PTPRN2: variants seen among roughly 807,000 people sequenced by gnomAD.
PTPRN2 encodes receptor-type tyrosine-protein phosphatase N2.
A neutral mutation model predicts 118.8 loss-of-function variants in PTPRN2; 74 were observed. The observed-to-expected ratio is 0.62, with a 90% CI of 0.52 to 0.76. PTPRN2 has a LOEUF of 0.76. Among genes scored for constraint, PTPRN2 ranks in the 30% least tolerant of loss-of-function variants. PTPRN2 has a pLI of 0.00. For synonymous variants in PTPRN2, 641 were observed against 608.0 expected (o/e 1.05, Z -0.80); for missense variants, 1,481 against 1,394.4 (o/e 1.06, Z -0.99).
At chr7:158,374,858 G>C (rs901748614) in intron 2 of PTPRN2, among the ~76,000 whole-genome samples, 7 of 152,294 alleles carry the variant, frequency 4.6e-5, no homozygotes, top group African/African-American at 1.7e-4. Context: ...GCACAGGCAG[G>C]GGCTGCATGC....
intron 12 of PTPRN2, among the ~76,000 whole-genome samples, chr7:157,782,033 C>T (rs1002301719): frequency 1.3e-5 from 2 of 152,244 alleles, no homozygotes; most frequent in African/African-American, 4.8e-5. Context: ...TGCGGGCACA[C>T]AGGTATGGCC....
At chr7:157,902,307 G>A (rs775480047) in intron 11 of PTPRN2, among the ~76,000 whole-genome samples, 2 of 141,874 alleles carry the variant, frequency 1.4e-5, no homozygotes, top group Non-Finnish European at 3.1e-5. Flanking sequence ...GTGTGGTGCC[G>A]CCAACCCTGC....
intron 22 of PTPRN2, among the ~76,000 whole-genome samples, chr7:157,541,972 G>A (rs563940949): frequency 4.6e-5 from 7 of 152,192 alleles, no homozygotes; most frequent in South Asian, 2.1e-4. Flanking sequence ...CTTAGTGTAC[G>A]TGTTAGAACC....
intron 3 of PTPRN2, among the ~76,000 whole-genome samples, chr7:158,263,721 C>T (rs13229914): frequency 2.3e-4 from 35 of 152,282 alleles, no homozygotes; most frequent in South Asian, 6.2e-4. Context: ...AGCACCTCAA[C>T]GGCCCTTTTC....
intron 3 of PTPRN2, among the ~76,000 whole-genome samples, chr7:158,270,795 GGACCACCCC>G (rs1798311353): frequency 1.4e-5 from 1 of 71,444 alleles, no homozygotes; most frequent in Non-Finnish European, 2.6e-5. Context: ...CCCTCCACCT[GGACCACCCC>G]CTCACCTGGA....
intron 11 of PTPRN2, among the ~76,000 whole-genome samples, chr7:157,962,120 A>G (rs568562134): frequency 1.4e-4 from 22 of 152,376 alleles, no homozygotes; most frequent in Admixed American, 1.2e-3. Flanking sequence ...GTTTCAGTGA[A>G]GAAGAAAGTG....
intron 3 of PTPRN2, among the ~76,000 whole-genome samples, chr7:158,306,063 T>G (rs1801261961): frequency 6.6e-6 from 1 of 152,190 alleles, no homozygotes; most frequent in Non-Finnish European, 1.5e-5. Context: ...GAGGACCCAC[T>G]GGAAAGGCTG....
chr7:158,166,197 C>T (rs1209965487), intron 6 of PTPRN2, among the ~76,000 whole-genome samples: 1 of 152,040 alleles, frequency 6.6e-6, no homozygotes, highest in East Asian at 1.9e-4. Context: ...AAGGGATGAA[C>T]AAGAAGTGAG....
At position 157,813,445 on chromosome 7, in the gene PTPRN2, G is replaced by A. The variant is rs1436831052; in HGVS notation, c.1788+85228C>T. 1.3e-5 allele frequency among the ~76,000 whole-genome samples: 2 copies of A among 152,272 alleles called. No individual in the cohort carries two copies. Among genetic ancestry groups the A allele is most frequent in the East Asian group, 3.9e-4 (2 of 5,184 alleles). ...GCCATTCAGGTCCCCAAAACAGCAT[G>A]TGCAGCTCTCGTTAAATGGAAAAGG... On this transcript the variant is annotated intron_variant, in intron 12 of 22. Transcript: ENST00000389418. The surrounding 1 kb of genome is among the most constrained non-coding windows in gnomAD (Gnocchi z 4.7).
Position 157,813,838 on chromosome 7 carries a change from G to A in PTPRN2, c.1788+84835C>T, listed in dbSNP as rs1806210673. ...TGGAGCGCGGGTAAAACAGCTCGGG[G>A]CCAGCCAGAGCTTCTGAGCCAGGGC... On this transcript the variant is annotated intron_variant, in intron 12 of 22. Coordinates refer to ENST00000389418, the MANE Select transcript of PTPRN2 (RefSeq NM_002847.5). This position sits in a 1 kb window ranked among gnomAD's most constrained non-coding sequence, Gnocchi z 4.7. Among the ~76,000 whole-genome samples, 1 of 152,220 alleles carries A rather than the reference G, an allele frequency of 6.6e-6. No homozygotes were observed. The highest frequency in any genetic ancestry group is 2.4e-5 in the African/African-American group (1 of 41,442).
At chr7:157,800,032 C>T (rs1224372461) in intron 12 of PTPRN2, among the ~76,000 whole-genome samples, 1 of 150,934 alleles carries the variant, frequency 6.6e-6, no homozygotes, top group African/African-American at 2.4e-5. Context: ...CTCCTCTGTC[C>T]CTCAGAGGCA....
rs1330376506 is a variant in PTPRN2 at position 158,524,527 on chromosome 7, CTGCCCTGGAGTGGA to C, written c.113-34756_113-34743del. On this transcript the variant is annotated intron_variant, in intron 1 of 22. Transcript: ENST00000389418. The stretch of plus-strand genomic sequence containing the variant: ...GGAGTCGTCTGCCCTGGAGTGGAGT[CTGCCCTGGAGTGGA>C]GTCTGCCCTGGAGTGGAGGGAAGTG... Among the ~76,000 whole-genome samples, 234 of 149,220 alleles carry C rather than the reference CTGCCCTGGAGTGGA, an allele frequency of 1.6e-3. 1 individual carries two copies. The highest frequency in any genetic ancestry group is 2.8e-3 in the Non-Finnish European group (190 of 67,232).
rs1419046204 is a variant in PTPRN2, at chr7:157,627,924, C to T, written c.2197-6415G>A. On this transcript the variant is annotated intron_variant, in intron 14 of 22. Coordinates refer to ENST00000389418, the MANE Select transcript of PTPRN2 (RefSeq NM_002847.5). The surrounding 1 kb of genome is among the most constrained non-coding windows in gnomAD (Gnocchi z 4.2). ...CCCTTTGAGAATGACACCATCAGCG[C>T]TCACATAATCTACTTTGTTAGAGAT... 6.6e-6 allele frequency among the ~76,000 whole-genome samples: 1 copy of T among 152,250 alleles called. No homozygotes were observed. The highest frequency in any genetic ancestry group is 2.4e-5 in the African/African-American group (1 of 41,470).
intron 14 of PTPRN2, among the ~76,000 whole-genome samples, 172 bp from the exon 15 acceptor site, chr7:157,621,681 T>C (rs1204872934): frequency 6.6e-6 from 1 of 152,286 alleles, no homozygotes; most frequent in Non-Finnish European, 1.5e-5. Context: ...TATCATACCA[T>C]GCAACCGTTA....
chr7:157,871,255 T>C lies in PTPRN2; in HGVS notation c.1788+27418A>G, dbSNP rs182881237. ...CCAGGGAGCTTGTTAGAAACACAGA[T>C]CCTTGGGCCCTGCCTCGGACCCCCT... On this transcript the variant is annotated intron_variant, in intron 12 of 22. Coordinates refer to ENST00000389418, the MANE Select transcript of PTPRN2 (RefSeq NM_002847.5). 5.8e-4 allele frequency among the ~76,000 whole-genome samples: 88 copies of C among 152,256 alleles called. 1 individual carries two copies. The highest frequency in any genetic ancestry group is 3.4e-3 in the Middle Eastern group (1 of 294).
At chr7:157,565,850 G>A (rs1458160037) in intron 21 of PTPRN2, among the ~76,000 whole-genome samples, 2 of 152,112 alleles carry the variant, frequency 1.3e-5, no homozygotes, top group Non-Finnish European at 2.9e-5. Context: ...CTACACAATC[G>A]TCTATTATCG....
intron 12 of PTPRN2, among the ~76,000 whole-genome samples, chr7:157,728,247 T>C (rs994775857): frequency 9.2e-5 from 14 of 152,242 alleles, no homozygotes; most frequent in African/African-American, 3.1e-4. Context: ...AATCATGCCT[T>C]GTACAGCCTC....
chr7:157,908,454 A>G (rs1797902042), intron 11 of PTPRN2, among the ~76,000 whole-genome samples: 1 of 152,246 alleles, frequency 6.6e-6, no homozygotes, highest in African/African-American at 2.4e-5. Flanking sequence ...AGAAAAGCCA[A>G]TGATTTCTGC....
At chr7:157,862,687 A>ATTT (rs1335189479) in intron 12 of PTPRN2, 4 of 152,424 alleles carry the variant, frequency 2.6e-5, no homozygotes, top group African/African-American at 9.6e-5. Context: ...AGTCCCTGAG[A>ATTT]TTTAAAAACG....
Sources: allele counts gnomAD v4.1 joint callset (sites outside exome capture counted in the v4.1 genomes callset), GRCh38; gene constraint gnomAD v4.1.1; non-coding constraint Gnocchi (gnomAD v3.1); transcripts MANE v1.5; gene names NCBI Gene and HGNC (gene_info 2026-07-23, HGNC 2026-07-21).